Variants in AFF3 observed in about 807,000 individuals in gnomAD.
AFF3 encodes ALF transcription elongation factor 3.
In AFF3, 32 loss-of-function variants were observed where a neutral mutation model predicts 129.7. That is an observed-to-expected ratio of 0.25 (90% CI 0.19 to 0.33). The LOEUF (loss-of-function observed/expected upper bound fraction) is 0.33. AFF3 is among the 10% of genes least tolerant of loss of function. The pLI is 1.00. For synonymous variants in AFF3, 644 were observed against 635.4 expected (o/e 1.01, Z -0.20); for missense variants, 1,373 against 1,592.0 (o/e 0.86, Z 2.34).
At chr2:99,922,819 G>T (rs1360419737) in intron 7 of AFF3, among the ~76,000 whole-genome samples, 1 of 152,072 alleles carries the variant, frequency 6.6e-6, no homozygotes, top group African/African-American at 2.4e-5. Context: ...TACCTCTGGG[G>T]CTAAAATAAA....
rs80188707 is a variant in AFF3, at chr2:99,910,812, T to C, written c.874-73288A>G. Among the ~76,000 whole-genome samples, 182 of 152,356 alleles carry C rather than the reference T, an allele frequency of 1.2e-3. 2 individuals carry two copies. In the East Asian group the frequency reaches 0.029, roughly 25 times the overall value. On this transcript the variant is annotated intron_variant, in intron 7 of 24. Coordinates refer to ENST00000672756, the MANE Select transcript of AFF3 (RefSeq NM_001386135.1). Reference sequence around the variant, plus strand: ...CTAAAGAAGGACATAAGAATAGCATTGTAGTTTGGAAGGCTAAGATATATG... The same window carrying C: ...CTAAAGAAGGACATAAGAATAGCATCGTAGTTTGGAAGGCTAAGATATATG...
At chr2:100,138,991 G>A (rs967632272) in intron 1 of AFF3, among the ~76,000 whole-genome samples, 3 of 150,816 alleles carry the variant, frequency 2.0e-5, no homozygotes, top group Non-Finnish European at 4.4e-5. Flanking sequence ...CAACAACTGA[G>A]TTGAAGTTAT....
At position 99,582,993 on chromosome 2, in the gene AFF3, T is replaced by C. The variant is rs181733841; in HGVS notation, c.2598A>G (p.Ala866=). The C allele has an allele frequency of 1.2e-4, 199 of 1,613,918 alleles. No homozygotes were observed. In the Admixed American group the frequency reaches 3.3e-3, roughly 27 times the overall value. ...TTTTTTCATTTTTATTTATTGGTAT[T>C]GCCACACTGAAAAAGGAAATTACGG... is the stretch of plus-strand genomic sequence containing the variant. ...NHCNMNINSV[A]IPINKNEKML... Residue 866 remains alanine, a synonymous_variant, in exon 17 of 25, where the codon GCA becomes GCG. Transcript: ENST00000672756.
chr2:100,106,933 C>T (rs1386190707), intron 2 of AFF3: 20 of 985,324 alleles, frequency 2.0e-5, no homozygotes, highest in Non-Finnish European at 2.4e-5. Flanking sequence ...TGAAAGGCCT[C>T]TCCCAAAAAG....
intron 4 of AFF3, among the ~76,000 whole-genome samples, chr2:100,061,605 G>A (rs1398224326): frequency 1.3e-5 from 2 of 152,128 alleles, no homozygotes; most frequent in Non-Finnish European, 2.9e-5. Flanking sequence ...TGTATGGGCA[G>A]GTATTAAACT....
chr2:99,629,153 C>CG (rs1558666711), intron 13 of AFF3, among the ~76,000 whole-genome samples: 2 of 152,138 alleles, frequency 1.3e-5, no homozygotes, highest in African/African-American at 4.8e-5. Context: ...CCACTGCACC[C>CG]GGGCCCTTTA....
intron 11 of AFF3, among the ~76,000 whole-genome samples, chr2:99,681,915 T>TC (rs1280015413): frequency 6.6e-6 from 1 of 151,134 alleles, no homozygotes; most frequent in African/African-American, 2.4e-5. Context: ...TCTATTTTTT[T>TC]TTTTTTTTTG....
intron 8 of AFF3, among the ~76,000 whole-genome samples, chr2:99,798,050 GA>G (rs1450252601): frequency 6.6e-6 from 1 of 151,880 alleles, no homozygotes; most frequent in East Asian, 1.9e-4. Context: ...GATTAGTTAA[GA>G]AAAAAATTAT....
chr2:100,020,105 G>A (rs1238213277), intron 4 of AFF3, among the ~76,000 whole-genome samples: 2 of 152,004 alleles, frequency 1.3e-5, no homozygotes, highest in Non-Finnish European at 2.9e-5. Flanking sequence ...CCAATTCCTG[G>A]TTTCCCTAAA....
chr2:99,798,600 A>C (rs1360184790), intron 8 of AFF3, among the ~76,000 whole-genome samples: 1 of 152,044 alleles, frequency 6.6e-6, no homozygotes. Flanking sequence ...CAAATAGATT[A>C]AAATAAAATG....
At chr2:99,637,444 CCT>C (rs1243121480) in intron 13 of AFF3, among the ~76,000 whole-genome samples, 1 of 152,068 alleles carries the variant, frequency 6.6e-6, no homozygotes, top group Non-Finnish European at 1.5e-5. Flanking sequence ...TTTTTTTCTC[CCT>C]GTCACATATA....
chr2:99,684,929 TTTTC>T (rs148446484), intron 11 of AFF3, among the ~76,000 whole-genome samples: 3,829 of 150,306 alleles, frequency 0.025, 65 homozygotes, highest in Non-Finnish European at 0.039. Context: ...TACCAGGACT[TTTTC>T]TTTCTTTCTT....
At chr2:99,941,921 A>G (rs1675075356) in intron 7 of AFF3, among the ~76,000 whole-genome samples, 1 of 152,204 alleles carries the variant, frequency 6.6e-6, no homozygotes, top group Non-Finnish European at 1.5e-5. Context: ...GAAAACACAA[A>G]TATCATTTTG....
At chr2:99,669,812 ATACAAAAATTACCTGTAATCCCAGC>A (rs1686995798) in intron 12 of AFF3, among the ~76,000 whole-genome samples, 1 of 152,100 alleles carries the variant, frequency 6.6e-6, no homozygotes, top group Admixed American at 6.6e-5. Flanking sequence ...TCTAGTGAAA[ATACAAAAATTACCTGTAATCCCAGC>A]TACTTAGGAG....
chr2:100,100,946 T>C (rs960346016), intron 4 of AFF3, among the ~76,000 whole-genome samples: 13 of 152,232 alleles, frequency 8.5e-5, no homozygotes, highest in African/African-American at 2.9e-4. Flanking sequence ...TTCAAGACTC[T>C]ACAGAACAAA....
intron 8 of AFF3, among the ~76,000 whole-genome samples, chr2:99,778,875 T>C (rs547240209): frequency 2.4e-5 from 1 of 42,042 alleles, no homozygotes; most frequent in Non-Finnish European, 5.1e-5. Context: ...TAATTTTGTG[T>C]GTGTGTGTGT....
chr2:100,075,487 G>T (rs1688516548), intron 4 of AFF3, among the ~76,000 whole-genome samples: 1 of 152,020 alleles, frequency 6.6e-6, no homozygotes, highest in African/African-American at 2.4e-5. Flanking sequence ...ATTCTATTAA[G>T]ATTCTTCACT....
intron 7 of AFF3, among the ~76,000 whole-genome samples, chr2:99,899,451 T>C (rs2106134177): frequency 6.6e-6 from 1 of 152,318 alleles, no homozygotes. Context: ...GAGTATTGAT[T>C]TGGCCACTGA....
rs1674410150 is a variant in AFF3 at position 99,551,544 on chromosome 2, C to G, written c.3611G>C (p.Ser1204Thr). The G allele has an allele frequency of 6.2e-7, 1 of 1,614,188 alleles. No individual in the cohort carries two copies. Among genetic ancestry groups the G allele is most frequent in the East Asian group, 2.2e-5 (1 of 44,882 alleles). ...GGAGTACTGGACCAGGTGCTCCATG[C>G]TGCTGTGCAGGGTGACCGGCCCCAT... ...LLMGPVTLHS[S>T]MEHLVQYSQQ... The change falls in exon 25 of 25, where the codon AGC (serine) becomes ACC (threonine). Residue 1204 changes from serine to threonine, a missense_variant. Around this residue, in one of 9 missense-constraint regions of AFF3, gnomAD observed 165 missense variants for 234.0 expected, o/e 0.71. Coordinates refer to ENST00000672756, the MANE Select transcript of AFF3 (RefSeq NM_001386135.1).
Sources: allele counts gnomAD v4.1 joint callset (sites outside exome capture counted in the v4.1 genomes callset), GRCh38; gene constraint gnomAD v4.1.1; regional missense constraint gnomAD v4.1.1; transcripts MANE v1.5; gene names NCBI Gene and HGNC (gene_info 2026-07-23, HGNC 2026-07-21).